GPC5: variants seen among roughly 807,000 people sequenced by gnomAD.
GPC5 encodes the protein glypican-5.
In GPC5, 47 loss-of-function variants were observed where a neutral mutation model predicts 53.9. The observed-to-expected ratio is 0.87, with a 90% CI of 0.69 to 1.11. The LOEUF (loss-of-function observed/expected upper bound fraction) is 1.11. GPC5 is among the 50% of genes most tolerant of loss of function. The pLI is 0.00. For missense variants in GPC5, 748 were observed against 713.1 expected (o/e 1.05, Z -0.56); for synonymous variants, 286 against 263.3 (o/e 1.09, Z -0.84).
At position 91,448,774 on chromosome 13, in the gene GPC5, G is replaced by A. The variant is rs770938385; in HGVS notation, c.177G>A (p.Gln59=). The A allele has an allele frequency of 3.4e-5, 55 of 1,612,722 alleles. No homozygotes were observed. The highest frequency in any genetic ancestry group is 4.4e-5 in the Non-Finnish European group (52 of 1,179,570). ...TGTGTGTTCCAGGACCTGATCTTCA[G>A]GTTTGCATATCCAAAAAGCCTACAT... The part of the protein sequence containing the change: ...PDSPRAGPDL[Q]VCISKKPTCC... The change falls in exon 2 of 8, where the codon CAG becomes CAA. Residue 59 remains glutamine, a synonymous_variant. Transcript: ENST00000377067.
chr13:92,149,620 G>A (rs1593933000), intron 7 of GPC5, among the ~76,000 whole-genome samples: 1 of 151,972 alleles, frequency 6.6e-6, no homozygotes, highest in South Asian at 2.1e-4. Flanking sequence ...AGAGCAAAAT[G>A]AAAATTACAC....
chr13:92,518,491 G>C (rs898443264), intron 7 of GPC5, among the ~76,000 whole-genome samples: 8 of 152,122 alleles, frequency 5.3e-5, no homozygotes, highest in African/African-American at 9.7e-5. Flanking sequence ...TTAAAGAAAA[G>C]AATTTTCAAC....
At chr13:92,791,822 TA>T (rs1363360961) in intron 7 of GPC5, among the ~76,000 whole-genome samples, 1 of 152,148 alleles carries the variant, frequency 6.6e-6, no homozygotes, top group Non-Finnish European at 1.5e-5. Flanking sequence ...ACTACATTAT[TA>T]TTTTTTTAAA....
At chr13:92,760,861 T>G (rs1050983804) in intron 7 of GPC5, among the ~76,000 whole-genome samples, 1 of 152,192 alleles carries the variant, frequency 6.6e-6, no homozygotes, top group Admixed American at 6.5e-5. Flanking sequence ...TATTATTGTT[T>G]GTTTCAAGAT....
At chr13:92,239,833 T>TTATATTTAATAGATCACCTAAGATAA (rs2042596809) in intron 7 of GPC5, 4 of 141,732 alleles carry the variant, frequency 2.8e-5, no homozygotes, top group Admixed American at 2.2e-4. Context: ...TATTTAAATA[T>TTATATTTAATAGATCACCTAAGATAA]GCATTTTACA....
chr13:91,936,507 C>G (rs1435409751), intron 6 of GPC5, among the ~76,000 whole-genome samples: 1 of 151,988 alleles, frequency 6.6e-6, no homozygotes, highest in African/African-American at 2.4e-5. Context: ...GAAATCTAGC[C>G]AGAGTTAAAG....
intron 7 of GPC5, among the ~76,000 whole-genome samples, chr13:92,412,226 C>T (rs1876076484): frequency 1.3e-5 from 2 of 151,260 alleles, no homozygotes; most frequent in African/African-American, 4.8e-5. Context: ...GGGAAAAGAA[C>T]ATTGAATTCA....
At chr13:92,013,135 G>A (rs1259784879) in intron 6 of GPC5, among the ~76,000 whole-genome samples, 1 of 152,186 alleles carries the variant, frequency 6.6e-6, no homozygotes, top group Non-Finnish European at 1.5e-5. Flanking sequence ...AAGAGCAAAG[G>A]GCCAGTGGTG....
At chr13:91,921,450 A>T (rs963050419) in intron 6 of GPC5, among the ~76,000 whole-genome samples, 3 of 152,222 alleles carry the variant, frequency 2.0e-5, no homozygotes, top group African/African-American at 7.2e-5. Flanking sequence ...CATTTGACAG[A>T]TCTGCTAGAG....
At chr13:91,921,249 C>G (rs1431603488) in intron 6 of GPC5, among the ~76,000 whole-genome samples, 1 of 152,008 alleles carries the variant, frequency 6.6e-6, no homozygotes, top group Non-Finnish European at 1.5e-5. Flanking sequence ...ATTTTATTTT[C>G]TGTAAACCTT....
At chr13:91,589,974 T>C (rs1224877589) in intron 2 of GPC5, among the ~76,000 whole-genome samples, 3 of 152,074 alleles carry the variant, frequency 2.0e-5, no homozygotes, top group Non-Finnish European at 4.4e-5. Flanking sequence ...TCAGGTGTAC[T>C]ACATTAAAAT....
At chr13:92,714,959 G>A (rs552144416) in intron 7 of GPC5, among the ~76,000 whole-genome samples, 46 of 152,192 alleles carry the variant, frequency 3.0e-4, no homozygotes, top group Admixed American at 2.4e-3. Flanking sequence ...CCAGCTATTC[G>A]GAAGGCTGAA....
intron 7 of GPC5, among the ~76,000 whole-genome samples, chr13:92,374,066 A>G (rs976870240): frequency 1.3e-5 from 2 of 152,182 alleles, no homozygotes; most frequent in Admixed American, 1.3e-4. Flanking sequence ...GAGCTTTGAA[A>G]TGAACTTTAT....
chr13:92,744,828 A>G (rs879632087), intron 7 of GPC5, among the ~76,000 whole-genome samples: 1 of 152,010 alleles, frequency 6.6e-6, no homozygotes, highest in Non-Finnish European at 1.5e-5. Context: ...GTTTATATAG[A>G]TATATAGCTA....
chr13:92,341,547 T>C (rs1259506269), intron 7 of GPC5, among the ~76,000 whole-genome samples: 2 of 152,144 alleles, frequency 1.3e-5, no homozygotes, highest in South Asian at 2.1e-4. Flanking sequence ...AAAATGTAAA[T>C]TTTCTTCAAA....
At chr13:92,238,205 T>G (rs2042584123) in intron 7 of GPC5, among the ~76,000 whole-genome samples, 2 of 151,992 alleles carry the variant, frequency 1.3e-5, no homozygotes, top group Admixed American at 6.6e-5. Context: ...GGTCATGTGA[T>G]AAGGTTATGT....
At chr13:92,759,582 G>A (rs527407371) in intron 7 of GPC5, among the ~76,000 whole-genome samples, 35 of 152,102 alleles carry the variant, frequency 2.3e-4, no homozygotes, top group African/African-American at 8.2e-4. Context: ...CAATTTCACT[G>A]AATTAATTTA....
At chr13:92,079,359 C>T (rs575558110) in intron 6 of GPC5, among the ~76,000 whole-genome samples, 18 of 152,184 alleles carry the variant, frequency 1.2e-4, no homozygotes, top group East Asian at 1.9e-4. Context: ...CAGGATCTCA[C>T]TTCTTGAGTC....
At chr13:91,681,104 G>A (rs1042436920) in intron 2 of GPC5, among the ~76,000 whole-genome samples, 3 of 152,076 alleles carry the variant, frequency 2.0e-5, no homozygotes, top group East Asian at 1.9e-4. Context: ...AGTGTAAAGC[G>A]TTCCGAGACC....
Sources: gnomAD v4.1 joint callset for allele counts (sites outside exome capture counted in the v4.1 genomes callset) on GRCh38, gnomAD v4.1.1 for gene constraint, MANE v1.5 for transcripts, NCBI Gene and HGNC (gene_info 2026-07-23, HGNC 2026-07-21) for gene names.